Variants in CD300A observed in about 807,000 individuals in gnomAD.
The protein encoded by CD300A is CMRF35-like molecule 8.
A neutral mutation model predicts 33.6 loss-of-function variants in CD300A; 22 were observed. That is an observed-to-expected ratio of 0.66 (90% CI 0.47 to 0.94). CD300A has a LOEUF of 0.94. CD300A is among the 40% of genes least tolerant of loss of function. The pLI, the probability that CD300A is intolerant of heterozygous loss-of-function variation, is 0.00. For synonymous variants in CD300A, 136 were observed against 148.1 expected, an observed-to-expected ratio of 0.92 and a Z score of 0.59; for missense variants, 326 against 360.5, an observed-to-expected ratio of 0.90 and a Z score of 0.77.
intron 3 of CD300A, among the ~76,000 whole-genome samples, chr17:74,476,415 G>C (rs1906464643): frequency 1.3e-5 from 2 of 152,178 alleles, no homozygotes; most frequent in African/African-American, 4.8e-5. Flanking sequence ...GCAAAATTCA[G>C]GCTTGAACAT....
At chr17:74,476,102 A>G (rs1906445532) in intron 3 of CD300A, among the ~76,000 whole-genome samples, 1 of 152,160 alleles carries the variant, frequency 6.6e-6, no homozygotes. Context: ...GGGTTTCATT[A>G]CATAGGCATG....
chr17:74,474,485 G>A, intron 2 of CD300A, 47 bp from the exon 3 acceptor site: 2 of 1,599,196 alleles, frequency 1.3e-6, no homozygotes, highest in Non-Finnish European at 8.5e-7. Flanking sequence ...AGTGGTGGGA[G>A]AGCCAGAGGA....
chr17:74,482,950 T>C (rs1422265576), intron 6 of CD300A, among the ~76,000 whole-genome samples: 1 of 151,786 alleles, frequency 6.6e-6, no homozygotes, highest in East Asian at 1.9e-4. Context: ...CCTCAAGTGA[T>C]CCGCCTGCCC....
intron 1 of CD300A, among the ~76,000 whole-genome samples, chr17:74,473,119 G>A (rs1461778453): frequency 6.6e-6 from 1 of 152,090 alleles, no homozygotes; most frequent in Admixed American, 6.6e-5. Flanking sequence ...GGGGTGGGAA[G>A]GGTAAGGGAA....
At chr17:74,474,810 T>G in intron 3 of CD300A, 125 bp downstream of exon 3, 1 of 977,960 alleles carries the variant, frequency 1.0e-6, no homozygotes, top group Non-Finnish European at 1.4e-6. Flanking sequence ...AGGCCCAGGT[T>G]GGAAGCCATA....
chr17:74,483,199 A>G (rs1446700885), intron 6 of CD300A, among the ~76,000 whole-genome samples: 1 of 151,922 alleles, frequency 6.6e-6, no homozygotes, highest in East Asian at 1.9e-4. Context: ...ACAAGTTGGG[A>G]CTCATGCCCA....
chr17:74,475,010 G>A (rs1035866635), intron 3 of CD300A, among the ~76,000 whole-genome samples: 4 of 152,130 alleles, frequency 2.6e-5, no homozygotes, highest in Admixed American at 6.5e-5. Flanking sequence ...TTGTCATTCC[G>A]TGTATTAGTC....
intron 4 of CD300A, among the ~76,000 whole-genome samples, chr17:74,478,616 C>T (rs531888840): frequency 7.2e-5 from 11 of 152,350 alleles, no homozygotes; most frequent in African/African-American, 2.6e-4. Flanking sequence ...AAGTGTAAGC[C>T]TGAAGCTTCC....
intron 1 of CD300A, among the ~76,000 whole-genome samples, chr17:74,467,907 G>A (rs898706762): frequency 6.6e-6 from 1 of 152,326 alleles, no homozygotes; most frequent in African/African-American, 2.4e-5. Flanking sequence ...CATAGTGGTA[G>A]TGGTTGTCCC....
At chr17:74,469,430 C>T (rs770029628) in intron 1 of CD300A, among the ~76,000 whole-genome samples, 1 of 151,616 alleles carries the variant, frequency 6.6e-6, no homozygotes, top group East Asian at 1.9e-4. Context: ...TCATCAGTGT[C>T]GCCCAGGTTT....
intron 4 of CD300A, 26 bp downstream of exon 4, chr17:74,477,556 G>A (rs1170226664): frequency 1.3e-6 from 2 of 1,546,942 alleles, no homozygotes; most frequent in South Asian, 2.2e-5. Flanking sequence ...ACACCCCTCT[G>A]CCCCACCTGG....
chr17:74,483,883 C>T, intron 6 of CD300A, 118 bp from the exon 7 acceptor site: 1 of 1,126,632 alleles, frequency 8.9e-7, no homozygotes, highest in South Asian at 1.5e-5. Flanking sequence ...GACAGTGGAG[C>T]CTCTACAGTG....
At position 74,473,784 on chromosome 17, in the gene CD300A, G is replaced by T. The variant is rs1291427600; in HGVS notation, c.289G>T (p.Asp97Tyr). The change falls in exon 2 of 7, where the codon GAT (aspartate) becomes TAT (tyrosine). Residue 97 changes from aspartate to tyrosine, a missense_variant. By Grantham distance (160) the Asp-to-Tyr change is radical. Coordinates refer to ENST00000360141, the MANE Select transcript of CD300A (RefSeq NM_007261.4). ...TVTLENLTEE[D>Y]AGTYWCGVDT... is the part of the protein sequence containing the mutation. Reference sequence around the variant, plus strand: ...GACCCTGGAGAATCTCACAGAGGAGGATGCAGGCACCTACTGGTGTGGGGT... The same window carrying T: ...GACCCTGGAGAATCTCACAGAGGAGTATGCAGGCACCTACTGGTGTGGGGT... 1.5e-5 allele frequency: 24 copies of T among 1,614,242 alleles called. No individual in the cohort carries two copies. The highest frequency in any genetic ancestry group is 1.7e-5 in the Non-Finnish European group (20 of 1,180,040).
chr17:74,467,979 C>G (rs1905835467), intron 1 of CD300A, among the ~76,000 whole-genome samples: 1 of 152,070 alleles, frequency 6.6e-6, no homozygotes, highest in African/African-American at 2.4e-5. Flanking sequence ...AGAAGGGATC[C>G]ACCAATGACT....
intron 1 of CD300A, among the ~76,000 whole-genome samples, chr17:74,472,697 C>T (rs1350818909): frequency 6.6e-6 from 1 of 151,800 alleles, no homozygotes; most frequent in Admixed American, 6.6e-5. Context: ...ATAACCTCCG[C>T]CTCCAGGGTT....
At chr17:74,474,738 G>T (rs2144518261) in intron 3 of CD300A, 53 bp downstream of exon 3, 1 of 1,589,750 alleles carries the variant, frequency 6.3e-7, no homozygotes, top group Non-Finnish European at 8.6e-7. Flanking sequence ...AAGAGGAGGA[G>T]CCCAGGGCGG....
intron 4 of CD300A, among the ~76,000 whole-genome samples, chr17:74,477,926 G>T (rs1009055000): frequency 1.3e-5 from 2 of 152,136 alleles, no homozygotes; most frequent in African/African-American, 4.8e-5. Context: ...AACACAACAA[G>T]GCTCCCGTGT....
Position 74,481,832 on chromosome 17 carries a change from T to C in CD300A, c.773T>C (p.Val258Ala). ...GAGGTGGAGGTGGAATACAGCACTG[T>C]GGTAAGTGCAGGAGCCCGGCTTTTG... ...PREVEVEYST[V>A]ASPREELHYA... The change falls in exon 6 of 7, where the codon GTG (valine) becomes GCG (alanine). Residue 258 changes from valine to alanine, a missense_variant and splice_region_variant. Val to Ala is a moderately conservative substitution (Grantham distance 64). Transcript: ENST00000360141. 1.2e-6 allele frequency: 2 copies of C among 1,606,586 alleles called. No individual in the cohort carries two copies. Among genetic ancestry groups the C allele is most frequent in the South Asian group, 1.1e-5 (1 of 90,054 alleles).
chr17:74,481,651 A>T (rs1906855618), intron 5 of CD300A, 75 bp from the exon 6 acceptor site: 1 of 1,031,800 alleles, frequency 9.7e-7, no homozygotes, highest in South Asian at 1.4e-5. Flanking sequence ...GAGGAAGGGG[A>T]GACACATGCA....
Sources: allele counts gnomAD v4.1 joint callset (sites outside exome capture counted in the v4.1 genomes callset), GRCh38; gene constraint gnomAD v4.1.1; transcripts MANE v1.5; gene names NCBI Gene and HGNC (gene_info 2026-07-23, HGNC 2026-07-21).